Variants in NHSL2 observed in about 807,000 individuals in gnomAD.
The protein encoded by NHSL2 is NHS like 2.
In NHSL2, 27 loss-of-function variants were observed where a neutral mutation model predicts 53.4. The ratio of observed to expected loss-of-function variants is 0.51; its 90% CI spans 0.37 to 0.70. The LOEUF (loss-of-function observed/expected upper bound fraction) is 0.70. Ranked by LOEUF, NHSL2 falls within the 30% of genes least tolerant of loss-of-function variation. The pLI, the probability that NHSL2 is intolerant of heterozygous loss-of-function variation, is 0.00. For missense variants in NHSL2, 892 were observed against 980.1 expected (o/e 0.91, Z 1.20); for synonymous variants, 408 against 404.1 (o/e 1.01, Z -0.12).
Position 72,151,566 on chromosome X carries a change from T to C in NHSL2, c.*7992T>C, listed in dbSNP as rs1000717321. 6.3e-5 allele frequency: 7 copies of C among 110,991 alleles called. No homozygotes were observed. Among genetic ancestry groups the C allele is most frequent in the African/African-American group, 2.3e-4 (7 of 30,518 alleles). 9.1% of individuals were successfully genotyped at this position (110,991 alleles called of 1,213,427 possible). ...CTTCAATAGAGTGTCCTTCATGAGC[T>C]CTCTCTCTCTCTCATTACTGACTAC... On this transcript the variant is annotated 3_prime_UTR_variant, in exon 8 of 8. Coordinates refer to ENST00000633930, the MANE Select transcript of NHSL2 (RefSeq NM_001013627.3).
At chrX:71,932,754 T>C (rs2041719861) in intron 1 of NHSL2, among the ~76,000 whole-genome samples, 1 of 112,053 alleles carries the variant, frequency 8.9e-6, no homozygotes, top group Admixed American at 9.4e-5. Flanking sequence ...GCCTTCCAGA[T>C]ATTATTAAGT....
At chrX:71,961,519 C>T (rs927116338) in intron 1 of NHSL2, among the ~76,000 whole-genome samples, 4 of 107,105 alleles carry the variant, frequency 3.7e-5, no homozygotes, top group Admixed American at 2.0e-4. Context: ...TCTGTCTAGA[C>T]GTTCCAATAC....
chrX:72,055,014 C>G (rs1024809574), intron 1 of NHSL2, among the ~76,000 whole-genome samples: 5 of 111,526 alleles, frequency 4.5e-5, no homozygotes, highest in Non-Finnish European at 7.5e-5. Context: ...CCTGTTGTCC[C>G]GTCTCCCGCT....
chrX:72,143,755 ATCT>A lies in NHSL2; in HGVS notation c.*184_*186del, dbSNP rs994915749. 6 of 375,966 alleles carry A rather than the reference ATCT, an allele frequency of 1.6e-5. No individual in the cohort carries two copies. The highest frequency in any genetic ancestry group is 2.8e-5 in the Non-Finnish European group (6 of 216,626). The allele number at this position is 375,966 out of a possible 1,213,427, so 31.0% of individuals were successfully genotyped here. ...AGCTAAAATCATCTGGCACTTAATC[ATCT>A]TCAGACATTTTTATGTTTTCATACT... On this transcript the variant is annotated 3_prime_UTR_variant, in exon 8 of 8. Coordinates refer to ENST00000633930, the MANE Select transcript of NHSL2 (RefSeq NM_001013627.3).
At chrX:71,943,638 T>C (rs951425559) in intron 1 of NHSL2, among the ~76,000 whole-genome samples, 2 of 112,641 alleles carry the variant, frequency 1.8e-5, no homozygotes, top group South Asian at 3.7e-4. Flanking sequence ...TTTTTGTGTT[T>C]CATTTGTGTC....
chrX:72,120,893 C>A (rs1436083330), intron 1 of NHSL2, among the ~76,000 whole-genome samples: 1 of 112,366 alleles, frequency 8.9e-6, no homozygotes, highest in Non-Finnish European at 1.9e-5. Context: ...AAGCTGCAGC[C>A]CTTTTAGTAT....
chrX:72,092,769 C>A (rs2041909638), intron 1 of NHSL2, among the ~76,000 whole-genome samples: 1 of 111,671 alleles, frequency 9.0e-6, no homozygotes, highest in Non-Finnish European at 1.9e-5. Context: ...ATTAATACTT[C>A]TATCTCCAAA....
At chrX:72,138,294 A>G (rs1395985292) in intron 5 of NHSL2, 147 bp from the exon 6 acceptor site, 6 of 456,276 alleles carry the variant, frequency 1.3e-5, no homozygotes, top group African/African-American at 1.2e-4. Flanking sequence ...TTTCCCCAGC[A>G]TCTTCATCCA....
At chrX:72,129,573 G>A in intron 1 of NHSL2, 5 of 346,897 alleles carry the variant, frequency 1.4e-5, no homozygotes, top group Non-Finnish European at 2.0e-5. Flanking sequence ...TCTCCAGCTC[G>A]TGGCCGGACT....
intron 1 of NHSL2, among the ~76,000 whole-genome samples, chrX:72,067,823 C>T (rs1276619794): frequency 8.9e-6 from 1 of 111,770 alleles, no homozygotes; most frequent in African/African-American, 3.3e-5. Flanking sequence ...TATCTGTTGC[C>T]CCCACTAGGC....
chrX:72,129,894 C>T (rs1429218083), intron 1 of NHSL2: 3 of 1,209,672 alleles, frequency 2.5e-6, no homozygotes, highest in East Asian at 3.0e-5. Context: ...GGCGGAAAAG[C>T]ACAGGGGGGC....
intron 1 of NHSL2, among the ~76,000 whole-genome samples, chrX:72,003,995 A>G (rs1005855758): frequency 8.9e-6 from 1 of 111,911 alleles, no homozygotes; most frequent in African/African-American, 3.3e-5. Flanking sequence ...AGGCATTATT[A>G]TCAGGGGCAG....
chrX:71,971,371 T>C (rs2041924189), intron 1 of NHSL2, among the ~76,000 whole-genome samples: 1 of 111,953 alleles, frequency 8.9e-6, no homozygotes, highest in Non-Finnish European at 1.9e-5. Context: ...CAACACTTGG[T>C]TACAGTTATT....
intron 1 of NHSL2, among the ~76,000 whole-genome samples, chrX:72,049,900 C>T (rs1441666694): frequency 9.9e-6 from 1 of 101,140 alleles, no homozygotes; most frequent in Non-Finnish European, 2.0e-5. Context: ...GTATCAAACA[C>T]TGTTCAAGGC....
At position 72,140,524 on chromosome X, in the gene NHSL2, A is replaced by C. The variant is rs1338771893; in HGVS notation, c.2976A>C (p.Glu992Asp). 2 of 1,211,411 alleles carry C rather than the reference A, an allele frequency of 1.7e-6. No homozygotes were observed. Among genetic ancestry groups the C allele is most frequent in the Admixed American group, 4.3e-5 (2 of 46,057 alleles). ...PERISLQSQE[E>D]AEKKKGKIPP... ...GAATTAGCCTCCAGAGCCAGGAAGA[A>C]GCTGAGAAAAAGAAAGGCAAGATTC... The change falls in exon 6 of 8, where the codon GAA becomes GAC. Residue 992 changes from glutamate (E) to aspartate (D), a missense_variant. Coordinates refer to ENST00000633930, the MANE Select transcript of NHSL2 (RefSeq NM_001013627.3).
At chrX:72,103,855 T>C (rs1341714118) in intron 1 of NHSL2, among the ~76,000 whole-genome samples, 3 of 112,200 alleles carry the variant, frequency 2.7e-5, no homozygotes, top group Non-Finnish European at 5.6e-5. Flanking sequence ...AGAAGGTCCA[T>C]GTGGAGAGTG....
chrX:72,029,969 GA>G (rs1179558254), intron 1 of NHSL2, among the ~76,000 whole-genome samples: 151 of 110,064 alleles, frequency 1.4e-3, no homozygotes, highest in African/African-American at 4.6e-3. Flanking sequence ...TACTATTAAA[GA>G]AAAAAAAAGT....
intron 1 of NHSL2, among the ~76,000 whole-genome samples, chrX:72,114,019 A>G (rs111814999): frequency 1.4e-3 from 156 of 112,385 alleles, no homozygotes; most frequent in African/African-American, 4.8e-3. Context: ...CTGGCAGAAA[A>G]TAGTTATTGT....
intron 1 of NHSL2, among the ~76,000 whole-genome samples, chrX:72,106,712 C>T (rs1046537252): frequency 7.2e-5 from 8 of 111,830 alleles, no homozygotes; most frequent in African/African-American, 2.6e-4. Flanking sequence ...TGAAACCAAC[C>T]CAAATATCCA....
Sources: gnomAD v4.1 joint callset for allele counts (sites outside exome capture counted in the v4.1 genomes callset) on GRCh38, gnomAD v4.1.1 for gene constraint, MANE v1.5 for transcripts, NCBI Gene and HGNC (gene_info 2026-07-23, HGNC 2026-07-21) for gene names.